The following ZNF804A variants were observed in gnomAD, a reference collection of about 807,000 sequenced individuals.
ZNF804A encodes zinc finger protein 804A.
A neutral mutation model predicts 16.5 loss-of-function variants in ZNF804A; 2 were observed. The ratio of observed to expected loss-of-function variants is 0.12; its 90% confidence interval spans 0.05 to 0.38. The LOEUF (loss-of-function observed/expected upper bound fraction) is 0.38. Among genes scored for constraint, ZNF804A ranks in the 10% least tolerant of loss-of-function variants. The probability of loss-of-function intolerance (pLI) is 0.99; values close to 1 mark genes in which losing one functional copy is unlikely to be tolerated. For missense variants in ZNF804A, 1,473 were observed against 1,390.7 expected (o/e 1.06, Z -0.94); for synonymous variants, 534 against 489.6 (o/e 1.09, Z -1.20).
At chr2:184,868,761 G>A (rs1303960056) in intron 2 of ZNF804A, among the ~76,000 whole-genome samples, 1 of 151,858 alleles carries the variant, frequency 6.6e-6, no homozygotes, top group Non-Finnish European at 1.5e-5. Flanking sequence ...TCCTGTCCTT[G>A]AGTTTTGAGA....
At chr2:184,773,616 C>T (rs981546271) in intron 1 of ZNF804A, among the ~76,000 whole-genome samples, 11 of 151,732 alleles carry the variant, frequency 7.2e-5, no homozygotes, top group Non-Finnish European at 1.5e-4. Flanking sequence ...GATGCAAAGG[C>T]ATAAGAATGA....
chr2:184,714,429 T>C (rs529559292), intron 1 of ZNF804A, among the ~76,000 whole-genome samples: 12 of 152,158 alleles, frequency 7.9e-5, no homozygotes, highest in Non-Finnish European at 1.5e-4. Flanking sequence ...AATTGTTATA[T>C]TCTGTTTCAT....
At chr2:184,604,349 A>G (rs955001322) in intron 1 of ZNF804A, among the ~76,000 whole-genome samples, 1 of 149,824 alleles carries the variant, frequency 6.7e-6, no homozygotes, top group Non-Finnish European at 1.5e-5. Flanking sequence ...TTTTTTTTGT[A>G]TTTTTAGTAG....
At chr2:184,601,197 G>C (rs1691038554) in intron 1 of ZNF804A, among the ~76,000 whole-genome samples, 1 of 152,002 alleles carries the variant, frequency 6.6e-6, no homozygotes, top group Non-Finnish European at 1.5e-5. Flanking sequence ...TCTACTATAT[G>C]TGCTTTCTAG....
At chr2:184,673,588 G>A (rs1195190405) in intron 1 of ZNF804A, among the ~76,000 whole-genome samples, 1 of 152,162 alleles carries the variant, frequency 6.6e-6, no homozygotes, top group Non-Finnish European at 1.5e-5. Context: ...AATAAGTATT[G>A]ATTTATTTTG....
intron 1 of ZNF804A, among the ~76,000 whole-genome samples, chr2:184,690,965 A>C (rs1406634218): frequency 6.6e-6 from 1 of 152,040 alleles, no homozygotes; most frequent in African/African-American, 2.4e-5. Flanking sequence ...AAATATATGC[A>C]AAAAAATTCA....
chr2:184,777,647 G>C (rs1480786834), intron 1 of ZNF804A, among the ~76,000 whole-genome samples: 2 of 151,252 alleles, frequency 1.3e-5, no homozygotes, highest in Non-Finnish European at 3.0e-5. Flanking sequence ...ATTTAAATAA[G>C]CTCCATATAT....
At chr2:184,900,306 C>A (rs1685157786) in intron 2 of ZNF804A, among the ~76,000 whole-genome samples, 1 of 152,158 alleles carries the variant, frequency 6.6e-6, no homozygotes, top group South Asian at 2.1e-4. Context: ...TACAGTGCCC[C>A]CCTTGAGTGT....
chr2:184,867,270 T>C (rs945316983), intron 2 of ZNF804A, among the ~76,000 whole-genome samples: 6 of 152,124 alleles, frequency 3.9e-5, no homozygotes, highest in Admixed American at 6.6e-5. Flanking sequence ...CAATACACAG[T>C]ATTAGCATTA....
intron 1 of ZNF804A, among the ~76,000 whole-genome samples, chr2:184,865,277 A>G (rs1003438885): frequency 1.7e-4 from 26 of 152,062 alleles, no homozygotes; most frequent in African/African-American, 5.8e-4. Context: ...TCTTCACATC[A>G]TGAATAATGT....
At chr2:184,645,722 C>A (rs1574145044) in intron 1 of ZNF804A, among the ~76,000 whole-genome samples, 2 of 152,078 alleles carry the variant, frequency 1.3e-5, no homozygotes, top group African/African-American at 2.4e-5. Flanking sequence ...ATGCTTTAGC[C>A]TCTTGGAAAT....
chr2:184,725,716 C>T (rs1038275509), intron 1 of ZNF804A, among the ~76,000 whole-genome samples: 1 of 151,474 alleles, frequency 6.6e-6, no homozygotes, highest in Non-Finnish European at 1.5e-5. Flanking sequence ...GTAACTACCA[C>T]TGCAATCAAA....
chr2:184,742,005 AGTCT>A (rs1693715785), intron 1 of ZNF804A, among the ~76,000 whole-genome samples: 1 of 152,042 alleles, frequency 6.6e-6, no homozygotes, highest in Non-Finnish European at 1.5e-5. Context: ...TTATATATTC[AGTCT>A]AATTTTTATT....
In ZNF804A at chr2:184,623,311, T is replaced by C. The variant is rs191894442; in HGVS notation, c.111+24241T>C. 2.0e-5 allele frequency among the ~76,000 whole-genome samples: 3 copies of C among 152,196 alleles called. No homozygotes were observed. The East Asian group carries it at 5.8e-4, about 29-fold the overall frequency. On this transcript the variant is annotated intron_variant, in intron 1 of 3. Transcript: ENST00000302277. ...CCTGACATGAAATTAAAAAAATTCA[T>C]TTTAATGCTTGCATGAAGTAAAAAA...
At position 184,598,836 on chromosome 2, in the gene ZNF804A, C is replaced by G; in HGVS notation, c.-124C>G. ...GTGAGCCAGTCTCCAGAGGACGTGC[C>G]GGGGGTGGCTGCGTGCCCTCGTGGC... is the stretch of plus-strand genomic sequence containing the variant. On this transcript the variant is annotated 5_prime_UTR_variant, in exon 1 of 4. Transcript: ENST00000302277. 1 of 501,822 alleles carries G rather than the reference C, an allele frequency of 2.0e-6. No homozygotes were observed. Among genetic ancestry groups the G allele is most frequent in the South Asian group, 3.5e-5 (1 of 28,702 alleles). The allele number at this position is 501,822 out of a possible 1,614,324, so 31.1% of individuals were successfully genotyped here.
chr2:184,645,172 A>G (rs1444380801), intron 1 of ZNF804A, among the ~76,000 whole-genome samples: 1 of 152,092 alleles, frequency 6.6e-6, no homozygotes, highest in East Asian at 1.9e-4. Context: ...AAGTAACACA[A>G]TTATTTCTAT....
chr2:184,841,693 T>G (rs1471508347), intron 1 of ZNF804A, among the ~76,000 whole-genome samples: 1 of 152,204 alleles, frequency 6.6e-6, no homozygotes, highest in Non-Finnish European at 1.5e-5. Context: ...ATCATATGCT[T>G]ACATTTTAAT....
intron 1 of ZNF804A, among the ~76,000 whole-genome samples, chr2:184,786,009 G>T (rs1429202133): frequency 6.6e-6 from 1 of 152,030 alleles, no homozygotes; most frequent in Non-Finnish European, 1.5e-5. Flanking sequence ...TCTAGCTGAA[G>T]TCAGAGGTGT....
chr2:184,759,092 T>G (rs942140697), intron 1 of ZNF804A, among the ~76,000 whole-genome samples: 5 of 151,414 alleles, frequency 3.3e-5, no homozygotes, highest in African/African-American at 9.7e-5. Flanking sequence ...GCTTGCCTTA[T>G]GTATTATATA....
Sources: allele counts gnomAD v4.1 joint callset (sites outside exome capture counted in the v4.1 genomes callset), GRCh38; gene constraint gnomAD v4.1.1; transcripts MANE v1.5; gene names NCBI Gene and HGNC (gene_info 2026-07-23, HGNC 2026-07-21).